Variants in FMN1 observed in about 807,000 individuals in gnomAD.
FMN1 encodes the protein formin 1, also known as formin-1.
A neutral mutation model predicts 132.4 loss-of-function variants in FMN1; 110 were observed. The observed-to-expected ratio is 0.83, with a 90% confidence interval of 0.71 to 0.97. The LOEUF (loss-of-function observed/expected upper bound fraction) is 0.97. Ranked by LOEUF, FMN1 falls within the 50% of genes least tolerant of loss-of-function variation. The pLI, the probability that FMN1 is intolerant of heterozygous loss-of-function variation, is 0.00. For synonymous variants in FMN1, 722 were observed against 651.7 expected (o/e 1.11, Z -1.64); for missense variants, 1,792 against 1,705.3 (o/e 1.05, Z -0.90).
chr15:32,983,514 A>G (rs1158073300), intron 7 of FMN1, among the ~76,000 whole-genome samples: 1 of 152,222 alleles, frequency 6.6e-6, no homozygotes, highest in Non-Finnish European at 1.5e-5. Flanking sequence ...ATGTAAAATT[A>G]TATCTCATCG....
intron 6 of FMN1, chr15:33,012,482 A>T: frequency 8.3e-7 from 1 of 1,207,376 alleles, no homozygotes; most frequent in Non-Finnish European, 1.2e-6. Flanking sequence ...CACCTAAGAG[A>T]TTATTTTCAA....
intron 7 of FMN1, among the ~76,000 whole-genome samples, chr15:32,999,001 C>G (rs577483071): frequency 1.1e-3 from 168 of 152,316 alleles, no homozygotes; most frequent in Non-Finnish European, 1.7e-3. Flanking sequence ...AATCTCAACA[C>G]TAGTAAACCA....
intron 5 of FMN1, among the ~76,000 whole-genome samples, chr15:33,083,397 G>A (rs954758977): frequency 2.0e-5 from 3 of 152,198 alleles, no homozygotes; most frequent in Non-Finnish European, 4.4e-5. Flanking sequence ...GACTTTTAGA[G>A]GATGGGAGGC....
intron 4 of FMN1, among the ~76,000 whole-genome samples, chr15:33,125,083 C>T (rs536102993): frequency 1.3e-5 from 2 of 152,174 alleles, no homozygotes; most frequent in South Asian, 2.1e-4. Flanking sequence ...TCCACCAGCC[C>T]CTCTCTGTGA....
At chr15:32,905,078 T>A (rs1399510184) in intron 12 of FMN1, among the ~76,000 whole-genome samples, 2 of 152,208 alleles carry the variant, frequency 1.3e-5, no homozygotes, top group East Asian at 1.9e-4. Flanking sequence ...AAATGAGGGA[T>A]CCTTCCCTTC....
intron 17 of FMN1, among the ~76,000 whole-genome samples, chr15:32,806,591 A>G (rs72717665): frequency 0.13 from 20,405 of 152,266 alleles, 1,374 homozygotes; most frequent in Middle Eastern, 0.17. Context: ...AAAATGCTCT[A>G]GAAGGCCCTG....
chr15:33,007,978 C>A, intron 7 of FMN1, 36 bp downstream of exon 7: 2 of 1,554,200 alleles, frequency 1.3e-6, no homozygotes, highest in Middle Eastern at 1.7e-4. Flanking sequence ...AGTATCAGTT[C>A]TATAGAACCC....
intron 9 of FMN1, among the ~76,000 whole-genome samples, chr15:32,961,183 G>T (rs1443516655): frequency 6.7e-6 from 1 of 150,096 alleles, no homozygotes; most frequent in Non-Finnish European, 1.5e-5. Flanking sequence ...GCCCAGGCTG[G>T]GGTGCAATGC....
intron 5 of FMN1, among the ~76,000 whole-genome samples, chr15:33,080,716 G>A (rs1468843373): frequency 3.3e-5 from 5 of 151,960 alleles, no homozygotes; most frequent in East Asian, 1.9e-4. Flanking sequence ...GTGAAACCCC[G>A]TCTCTACTAG....
chr15:33,121,448 T>TAGTTCTATATGA (rs1198874119), intron 4 of FMN1, among the ~76,000 whole-genome samples: 28 of 152,328 alleles, frequency 1.8e-4, no homozygotes, highest in African/African-American at 6.5e-4. Context: ...GTATTACATG[T>TAGTTCTATATGA]AGTTCTATAT....
chr15:33,143,496 CT>C lies in FMN1; in HGVS notation c.1867+9551del, dbSNP rs756206076. ...ATGATGAATGTGATACCATTGCTAT[CT>C]TTGAGGAGAGATTTTTTTAAAAACC... On this transcript the variant is annotated intron_variant, in intron 4 of 20. Coordinates refer to ENST00000616417, the MANE Select transcript of FMN1 (RefSeq NM_001277313.2). 6.4e-4 allele frequency among the ~76,000 whole-genome samples: 97 copies of C among 152,234 alleles called. No individual in the cohort carries two copies. The Middle Eastern group carries it at 0.027, about 43-fold the overall frequency.
chr15:32,978,242 C>G (rs1172878942), intron 7 of FMN1, among the ~76,000 whole-genome samples: 1 of 151,996 alleles, frequency 6.6e-6, no homozygotes, highest in Non-Finnish European at 1.5e-5. Context: ...GATAGTCATC[C>G]AAGGAAGTAG....
chr15:33,144,500 G>A (rs1169769453), intron 4 of FMN1, among the ~76,000 whole-genome samples: 1 of 151,970 alleles, frequency 6.6e-6, no homozygotes, highest in East Asian at 1.9e-4. Flanking sequence ...AGCCGGGCGT[G>A]GTGGCAGGTG....
At chr15:32,983,464 A>C (rs2032839872) in intron 7 of FMN1, among the ~76,000 whole-genome samples, 1 of 152,198 alleles carries the variant, frequency 6.6e-6, no homozygotes, top group African/African-American at 2.4e-5. Flanking sequence ...TTTTGGTGAA[A>C]CCTCAGATGG....
intron 4 of FMN1, among the ~76,000 whole-genome samples, chr15:33,123,753 G>A (rs1295659663): frequency 6.6e-6 from 1 of 152,082 alleles, no homozygotes; most frequent in Non-Finnish European, 1.5e-5. Context: ...TGGCCTTTTG[G>A]CTCCACTACG....
intron 6 of FMN1, among the ~76,000 whole-genome samples, chr15:33,051,310 G>A (rs1040976791): frequency 2.0e-5 from 3 of 152,134 alleles, no homozygotes; most frequent in Admixed American, 6.5e-5. Flanking sequence ...TGGCTGGGCT[G>A]AAAGAAATGG....
At chr15:32,877,568 C>T (rs1432608368) in intron 16 of FMN1, among the ~76,000 whole-genome samples, 5 of 152,108 alleles carry the variant, frequency 3.3e-5, no homozygotes, top group African/African-American at 1.2e-4. Flanking sequence ...TAAGAATAAT[C>T]ATCTCAGAAA....
At position 33,064,044 on chromosome 15, in the gene FMN1, T is replaced by C. The variant is rs551687680; in HGVS notation, c.2161+913A>G. On this transcript the variant is annotated intron_variant, in intron 6 of 20. Transcript: ENST00000616417. ...GCTAGAAATCATCTCAAGATTCAACTGCCAGTGTGTTCTCAATCACTGGAG... is the reference window on the plus strand; with the variant it reads ...GCTAGAAATCATCTCAAGATTCAACCGCCAGTGTGTTCTCAATCACTGGAG... 17 of 152,354 alleles carry C rather than the reference T, an allele frequency of 1.1e-4. No individual in the cohort carries two copies. The South Asian group carries it at 2.9e-3, about 26-fold the overall frequency. 9.4% of individuals were successfully genotyped at this position (152,354 alleles called of 1,614,324 possible).
At chr15:32,928,325 C>CAA (rs376813184) in intron 9 of FMN1, among the ~76,000 whole-genome samples, 2 of 137,856 alleles carry the variant, frequency 1.5e-5, no homozygotes, top group South Asian at 2.3e-4. Context: ...AAAGGAAAAG[C>CAA]AAAAAAAAAA....
Sources: allele counts gnomAD v4.1 joint callset (sites outside exome capture counted in the v4.1 genomes callset), GRCh38; gene constraint gnomAD v4.1.1; transcripts MANE v1.5; gene names NCBI Gene and HGNC (gene_info 2026-07-23, HGNC 2026-07-21).